SORCS2: variants seen among roughly 807,000 people sequenced by gnomAD.
The protein encoded by SORCS2 is sortilin related VPS10 domain containing receptor 2.
SORCS2 carries 100 observed loss-of-function variants against 141.6 expected under a neutral mutation model. The ratio of observed to expected loss-of-function variants is 0.71; its 90% CI spans 0.60 to 0.83. The LOEUF (loss-of-function observed/expected upper bound fraction) is 0.83, where lower values mean the gene tolerates loss of function less well. Among genes scored for constraint, SORCS2 ranks in the 40% least tolerant of loss-of-function variants. The pLI, the probability that SORCS2 is intolerant of heterozygous loss-of-function variation, is 0.00. For missense variants in SORCS2, 1,646 were observed against 1,560.2 expected, an observed-to-expected ratio of 1.05 and a Z score of -0.93; for synonymous variants, 789 against 676.9, an observed-to-expected ratio of 1.17 and a Z score of -2.57.
intron 2 of SORCS2, among the ~76,000 whole-genome samples, chr4:7,429,370 C>G (rs960242864): frequency 6.6e-6 from 1 of 152,224 alleles, no homozygotes; most frequent in Non-Finnish European, 1.5e-5. Flanking sequence ...GCTAATTTAC[C>G]AGGTCCCATC....
intron 12 of SORCS2, among the ~76,000 whole-genome samples, chr4:7,699,415 A>T (rs1330564746): frequency 6.6e-6 from 1 of 151,952 alleles, no homozygotes; most frequent in Non-Finnish European, 1.5e-5. Context: ...ACGCTTGGAG[A>T]GGAGGGTGGC....
intron 1 of SORCS2, among the ~76,000 whole-genome samples, chr4:7,381,401 C>T (rs920907355): frequency 4.6e-5 from 7 of 152,166 alleles, no homozygotes; most frequent in Non-Finnish European, 8.8e-5. Context: ...TCCAAAGCCA[C>T]GCAGTGTTAG....
chr4:7,661,520 C>G lies in SORCS2; in HGVS notation c.908C>G (p.Ala303Gly). The G allele has an allele frequency of 6.4e-7, 1 of 1,551,788 alleles. No individual in the cohort carries two copies. The highest frequency in any genetic ancestry group is 8.7e-7 in the Non-Finnish European group (1 of 1,147,060). The change falls in exon 6 of 27, where the codon GCT (alanine) becomes GGT (glycine). Residue 303 changes from alanine (A) to glycine (G), a missense_variant. Physicochemically the swap from Ala to Gly is moderately conservative, Grantham distance 60 (BLOSUM62 0). Transcript: ENST00000507866. ...HVFWSVSGVDADPDLVHVEAQ... is the reference protein window; with the variant it reads ...HVFWSVSGVDGDPDLVHVEAQ... ...TCCAGGTCTGTGTCTGGGGTGGACG[C>G]TGACCCTGACTTGGTCCACGTGGAA...
In SORCS2 at chr4:7,222,354, C is replaced by T. The variant is rs9998707; in HGVS notation, c.480+29228C>T. On this transcript the variant is annotated intron_variant, in intron 1 of 26. Transcript: ENST00000507866. ...CCTGATACGTGATGAACCTTGAAAA[C>T]AGGACACTCAGTCAAAGAAGCCAGC... Among the ~76,000 whole-genome samples, 381 of 152,282 alleles carry T rather than the reference C, an allele frequency of 2.5e-3. 3 individuals are homozygous for T. Among genetic ancestry groups the T allele is most frequent in the African/African-American group, 9.0e-3 (373 of 41,544 alleles).
intron 2 of SORCS2, among the ~76,000 whole-genome samples, chr4:7,522,006 C>T (rs1200819600): frequency 6.6e-6 from 1 of 152,244 alleles, no homozygotes; most frequent in Non-Finnish European, 1.5e-5. Flanking sequence ...GCCCACCACT[C>T]TGTTCCTGCT....
At chr4:7,356,858 T>C (rs916365599) in intron 1 of SORCS2, among the ~76,000 whole-genome samples, 2 of 152,218 alleles carry the variant, frequency 1.3e-5, no homozygotes, top group Non-Finnish European at 1.5e-5. Context: ...TGGAGAGGGC[T>C]CCGGGCCTGG....
At chr4:7,563,031 A>G (rs16840505) in intron 3 of SORCS2, among the ~76,000 whole-genome samples, 37,370 of 152,146 alleles carry the variant, frequency 0.25, 5,036 homozygotes, top group African/African-American at 0.35. Flanking sequence ...TTAACCCAAT[A>G]TGCCATGCTT....
At chr4:7,215,848 T>G (rs1272692115) in intron 1 of SORCS2, among the ~76,000 whole-genome samples, 5 of 152,098 alleles carry the variant, frequency 3.3e-5, no homozygotes, top group African/African-American at 1.2e-4. Flanking sequence ...AGCTCAGGGA[T>G]TGTAAACGCA....
At chr4:7,416,577 C>T (rs1725690380) in intron 2 of SORCS2, among the ~76,000 whole-genome samples, 1 of 152,154 alleles carries the variant, frequency 6.6e-6, no homozygotes, top group Non-Finnish European at 1.5e-5. Flanking sequence ...CACACACACA[C>T]ATGCAGACAC....
intron 2 of SORCS2, among the ~76,000 whole-genome samples, chr4:7,456,615 C>G (rs945037069): frequency 1.3e-5 from 2 of 152,164 alleles, no homozygotes; most frequent in African/African-American, 4.8e-5. Context: ...ACCAGCAGCT[C>G]TGTCCCCACC....
intron 5 of SORCS2, among the ~76,000 whole-genome samples, chr4:7,660,113 A>T (rs1468436759): frequency 6.6e-6 from 1 of 152,194 alleles, no homozygotes; most frequent in Non-Finnish European, 1.5e-5. Context: ...CACCAAATGG[A>T]GGTATTAAAT....
intron 3 of SORCS2, among the ~76,000 whole-genome samples, chr4:7,548,793 C>T (rs1713464324): frequency 1.3e-5 from 2 of 152,192 alleles, no homozygotes; most frequent in African/African-American, 4.8e-5. Flanking sequence ...CTTTCAGCTG[C>T]CATTTTTCAC....
chr4:7,481,319 C>T (rs1730620381), intron 2 of SORCS2, among the ~76,000 whole-genome samples: 2 of 152,242 alleles, frequency 1.3e-5, no homozygotes, highest in South Asian at 2.1e-4. Context: ...ATGGCACAGC[C>T]CCGGGAGGGA....
intron 16 of SORCS2, 78 bp from the exon 17 acceptor site, chr4:7,715,105 C>G: frequency 6.3e-7 from 1 of 1,583,268 alleles, no homozygotes; most frequent in Non-Finnish European, 8.6e-7. Flanking sequence ...CTCAGCTCCC[C>G]CAGATTTCAC....
chr4:7,676,304 C>T (rs1228390954), intron 9 of SORCS2, 75 bp downstream of exon 9: 5 of 1,436,878 alleles, frequency 3.5e-6, no homozygotes, highest in Non-Finnish European at 4.7e-6. Context: ...ACCTCTTCCT[C>T]CCCCCTCCCC....
In SORCS2 at chr4:7,270,932, C is replaced by A. The variant is rs576136611; in HGVS notation, c.480+77806C>A. ...ACGTTCTCTCCAGTTCTCGCTTGTT[C>A]GTTTGTTGGTTCATCCATTCATTCA... On this transcript the variant is annotated intron_variant, in intron 1 of 26. Transcript: ENST00000507866. Among the ~76,000 whole-genome samples, 7 of 152,348 alleles carry A rather than the reference C, an allele frequency of 4.6e-5. No homozygotes were observed. The East Asian group carries it at 1.3e-3, about 29-fold the overall frequency.
intron 1 of SORCS2, among the ~76,000 whole-genome samples, chr4:7,316,242 CCATCCATCCAT>C (rs1718545216): frequency 6.6e-6 from 1 of 152,150 alleles, no homozygotes. Flanking sequence ...ATCCATCCAT[CCATCCATCCAT>C]GCATCCATTC....
chr4:7,219,546 T>C (rs889577575), intron 1 of SORCS2, among the ~76,000 whole-genome samples: 1 of 152,068 alleles, frequency 6.6e-6, no homozygotes, highest in African/African-American at 2.4e-5. Flanking sequence ...AAACTTACGA[T>C]CATGGTGGAA....
chr4:7,266,851 C>T (rs926188150), intron 1 of SORCS2, among the ~76,000 whole-genome samples: 1 of 152,206 alleles, frequency 6.6e-6, no homozygotes. Flanking sequence ...GTCAGGCTGC[C>T]GGGCTCGAGT....
Sources: allele counts gnomAD v4.1 joint callset (sites outside exome capture counted in the v4.1 genomes callset), GRCh38; gene constraint gnomAD v4.1.1; transcripts MANE v1.5; gene names NCBI Gene and HGNC (gene_info 2026-07-23, HGNC 2026-07-21).